RHOBTB3: variants seen among roughly 807,000 people sequenced by gnomAD.
RHOBTB3 encodes the protein rho-related BTB domain-containing protein 3.
Under a neutral mutation model 67.2 loss-of-function variants are expected in RHOBTB3, and 47 were observed. The observed-to-expected ratio is 0.70, with a 90% CI of 0.55 to 0.89. RHOBTB3 has a LOEUF of 0.89. Ranked by LOEUF, RHOBTB3 falls within the 40% of genes least tolerant of loss-of-function variation. The pLI is 0.00. For missense variants in RHOBTB3, 631 were observed against 750.0 expected, an observed-to-expected ratio of 0.84 and a Z score of 1.85; for synonymous variants, 273 against 274.2, an observed-to-expected ratio of 1.00 and a Z score of 0.04.
At chr5:95,760,624 C>T (rs1745369288) in intron 6 of RHOBTB3, among the ~76,000 whole-genome samples, 1 of 152,182 alleles carries the variant, frequency 6.6e-6, no homozygotes, top group Non-Finnish European at 1.5e-5. Flanking sequence ...ATACCATGCG[C>T]TCTAAAAGTC....
chr5:95,719,040 A>G (rs1306573101), intron 1 of RHOBTB3, among the ~76,000 whole-genome samples: 1 of 152,144 alleles, frequency 6.6e-6, no homozygotes, highest in East Asian at 1.9e-4. Context: ...GGGGAGGTGA[A>G]GGTCATCATG....
intron 1 of RHOBTB3, among the ~76,000 whole-genome samples, chr5:95,725,166 G>T (rs997688192): frequency 2.0e-5 from 3 of 152,096 alleles, no homozygotes; most frequent in Non-Finnish European, 2.9e-5. Flanking sequence ...ATCTACAATG[G>T]GATGGATAAA....
intron 8 of RHOBTB3, among the ~76,000 whole-genome samples, chr5:95,777,614 C>A (rs533255986): frequency 6.6e-6 from 1 of 152,114 alleles, no homozygotes; most frequent in Admixed American, 6.5e-5. Context: ...AACCATAAAC[C>A]GCATTATGTT....
At chr5:95,751,959 T>G (rs1215372682) in intron 4 of RHOBTB3, among the ~76,000 whole-genome samples, 1 of 152,250 alleles carries the variant, frequency 6.6e-6, no homozygotes, top group Non-Finnish European at 1.5e-5. Context: ...AAGTTGACTC[T>G]ATGTCATTGC....
chr5:95,740,165 C>T lies in RHOBTB3; in HGVS notation c.415+3090C>T, dbSNP rs141742504. Among the ~76,000 whole-genome samples the T allele has an allele frequency of 2.9e-3, 445 of 152,304 alleles. 4 individuals are homozygous for T. Among genetic ancestry groups the T allele is most frequent in the African/African-American group, 0.01 (426 of 41,560 alleles). ...TGTAAGATGTAACTTTGCTCCTCCTCCACCTTCCATCATGATCATGAGGCC... is the reference window on the plus strand; with the variant it reads ...TGTAAGATGTAACTTTGCTCCTCCTTCACCTTCCATCATGATCATGAGGCC... On this transcript the variant is annotated intron_variant, in intron 3 of 11. Coordinates refer to ENST00000379982, the MANE Select transcript of RHOBTB3 (RefSeq NM_014899.4).
chr5:95,779,494 G>A (rs1433659649), intron 8 of RHOBTB3, among the ~76,000 whole-genome samples: 1 of 152,162 alleles, frequency 6.6e-6, no homozygotes, highest in Admixed American at 6.5e-5. Context: ...GCCTTTGTGT[G>A]GTGCAGCAGT....
chr5:95,720,511 G>C (rs1754838699), intron 1 of RHOBTB3, among the ~76,000 whole-genome samples: 1 of 152,188 alleles, frequency 6.6e-6, no homozygotes, highest in Admixed American at 6.5e-5. Flanking sequence ...TACTAATAGT[G>C]TACAATTTGT....
chr5:95,748,177 C>T (rs929054925), intron 3 of RHOBTB3, among the ~76,000 whole-genome samples, 156 bp from the exon 4 acceptor site: 5 of 152,238 alleles, frequency 3.3e-5, no homozygotes, highest in African/African-American at 1.2e-4. Flanking sequence ...GTCATTGACA[C>T]TTTGTATTCA....
In RHOBTB3 at chr5:95,731,561, C is replaced by A; in HGVS notation, c.-122C>A. On this transcript the variant is annotated 5_prime_UTR_variant, in exon 1 of 12. Coordinates refer to ENST00000379982, the MANE Select transcript of RHOBTB3 (RefSeq NM_014899.4). ...TGCGTCGGCCCCGCCGCGGTGGAGG[C>A]GCGCGAGGGGGACGCGGCCGGGGAT... 1 of 1,474,594 alleles carries A rather than the reference C, an allele frequency of 6.8e-7. No homozygotes were observed. The allele number at this position is 1,474,594 out of a possible 1,614,324, so 91.3% of individuals were successfully genotyped here.
chr5:95,775,276 G>A (rs1484866830), intron 8 of RHOBTB3, among the ~76,000 whole-genome samples: 1 of 151,852 alleles, frequency 6.6e-6, no homozygotes, highest in Non-Finnish European at 1.5e-5. Flanking sequence ...TTTTTTGAGT[G>A]CTGATGTGGT....
Position 95,718,713 on chromosome 5 carries a change from G to C in RHOBTB3, n.133+948G>C, listed in dbSNP as rs181407834. Among the ~76,000 whole-genome samples the C allele has an allele frequency of 1.8e-3, 275 of 152,322 alleles. 2 individuals are homozygous for C. Among genetic ancestry groups the C allele is most frequent in the African/African-American group, 6.5e-3 (270 of 41,574 alleles). ...AATCGAAAAATCACACACTAAGGTT[G>C]ATCCAGGGTTGGGGTTTTAGACTGA... On this transcript the variant is annotated intron_variant and non_coding_transcript_variant, in intron 1 of 5. Transcript: ENST00000504949.
At chr5:95,746,032 A>G (rs1231379423) in intron 3 of RHOBTB3, among the ~76,000 whole-genome samples, 2 of 152,192 alleles carry the variant, frequency 1.3e-5, no homozygotes, top group East Asian at 1.9e-4. Flanking sequence ...CTAAGTGGCA[A>G]CACAGTTACA....
At chr5:95,750,568 C>T (rs1745060543) in intron 4 of RHOBTB3, among the ~76,000 whole-genome samples, 1 of 152,200 alleles carries the variant, frequency 6.6e-6, no homozygotes, top group Admixed American at 6.5e-5. Flanking sequence ...TCCATCAACA[C>T]AGAAAGGTCT....
At chr5:95,789,092 C>A (rs1262658658) in intron 11 of RHOBTB3, 3 of 396,344 alleles carry the variant, frequency 7.6e-6, no homozygotes, top group Non-Finnish European at 1.3e-5. Flanking sequence ...ATAGCTCCAT[C>A]CGTTTTTAAA....
chr5:95,779,144 C>A (rs1745977502), intron 8 of RHOBTB3, among the ~76,000 whole-genome samples: 1 of 152,152 alleles, frequency 6.6e-6, no homozygotes. Flanking sequence ...ACTATATATC[C>A]CTGATGAGTA....
At chr5:95,732,185 G>C in intron 2 of RHOBTB3, 101 bp downstream of exon 2, 1 of 1,044,128 alleles carries the variant, frequency 9.6e-7, no homozygotes, top group South Asian at 1.3e-5. Context: ...TGGAGTGTCC[G>C]CGTTACATGG....
At position 95,747,340 on chromosome 5, in the gene RHOBTB3, C is replaced by T. The variant is rs368292431; in HGVS notation, c.416-993C>T. ...CTTCTACCCAGTCCCGCATTCCTCA[C>T]CCCTGAGAAGCGTTATTCCCAAGAT... On this transcript the variant is annotated intron_variant, in intron 3 of 11. Coordinates refer to ENST00000379982, the MANE Select transcript of RHOBTB3 (RefSeq NM_014899.4). Among the ~76,000 whole-genome samples, 18 of 152,332 alleles carry T rather than the reference C, an allele frequency of 1.2e-4. No homozygotes were observed. The South Asian group carries it at 3.5e-3, about 30-fold the overall frequency.
intron 7 of RHOBTB3, among the ~76,000 whole-genome samples, chr5:95,764,379 A>G (rs781733772): frequency 1.6e-4 from 25 of 152,204 alleles, no homozygotes; most frequent in Non-Finnish European, 5.9e-5. Context: ...TGAGAAATCT[A>G]TTCAACGAGG....
chr5:95,756,981 C>T (rs888188301), intron 6 of RHOBTB3, among the ~76,000 whole-genome samples: 10 of 152,106 alleles, frequency 6.6e-5, no homozygotes, highest in African/African-American at 1.2e-4. Context: ...ATTCACTCTT[C>T]GGTTTGACTC....
Sources: gnomAD v4.1 joint callset for allele counts (sites outside exome capture counted in the v4.1 genomes callset) on GRCh38, gnomAD v4.1.1 for gene constraint, MANE v1.5 for transcripts, NCBI Gene and HGNC (gene_info 2026-07-23, HGNC 2026-07-21) for gene names.